SLC8A1: variants seen among roughly 807,000 people sequenced by gnomAD.
The protein encoded by SLC8A1 is sodium/calcium exchanger 1.
In SLC8A1, 18 loss-of-function variants were observed where a neutral mutation model predicts 68.3. That is an observed-to-expected ratio of 0.26 (90% confidence interval 0.18 to 0.39). The LOEUF is 0.39. Among genes scored for constraint, SLC8A1 ranks in the 10% least tolerant of loss-of-function variants. The pLI, the probability that SLC8A1 is intolerant of heterozygous loss-of-function variation, is 1.00. For synonymous variants in SLC8A1, 475 were observed against 415.5 expected (o/e 1.14, Z -1.74); for missense variants, 985 against 1,156.7 (o/e 0.85, Z 2.15).
chr2:40,427,082 A>G (rs1335896991), intron 2 of SLC8A1, among the ~76,000 whole-genome samples: 7 of 152,204 alleles, frequency 4.6e-5, no homozygotes, highest in East Asian at 3.9e-4. Flanking sequence ...CATAAAATAG[A>G]TATTAATCAA....
chr2:40,109,978 T>C (rs2034461204), exon 8 of SLC8A1: 1 of 152,296 alleles, frequency 6.6e-6, no homozygotes, highest in African/African-American at 2.4e-5. Flanking sequence ...AAATAAACAA[T>C]AATTTACATA....
intron 2 of SLC8A1, among the ~76,000 whole-genome samples, chr2:40,350,985 G>A (rs1670905115): frequency 6.6e-6 from 1 of 152,088 alleles, no homozygotes; most frequent in South Asian, 2.1e-4. Context: ...CGGCAGCTCT[G>A]TCTAAACTTC....
exon 8 of SLC8A1, chr2:40,106,717 T>G (rs1348487073): frequency 1.3e-5 from 2 of 152,210 alleles, no homozygotes; most frequent in Non-Finnish European, 2.9e-5. Flanking sequence ...TAAAAATAAC[T>G]TTCCATTATA....
exon 8 of SLC8A1, chr2:40,111,119 A>C (rs1437827707): frequency 6.6e-6 from 1 of 152,168 alleles, no homozygotes; most frequent in African/African-American, 2.4e-5. Context: ...TTTGAAAAGC[A>C]ACAAAAAATT....
In SLC8A1 at chr2:40,270,059, G is replaced by T. The variant is rs957846693; in HGVS notation, c.1809-92204C>A. On this transcript the variant is annotated intron_variant, in intron 2 of 7. Transcript: ENST00000406785. ...CTGTACAAAATTCTTACAATAAATG[G>T]TCAGTAGGTCTTCAAGCTAGCTCTC... Among the ~76,000 whole-genome samples, 3 of 152,108 alleles carry T rather than the reference G, an allele frequency of 2.0e-5. No homozygotes were observed. The East Asian group carries it at 5.8e-4, about 29-fold the overall frequency.
At chr2:40,451,737 TCACACACACACA>T (rs756970142) in intron 1 of SLC8A1, among the ~76,000 whole-genome samples, 155 bp downstream of exon 1, 2,246 of 133,744 alleles carry the variant, frequency 0.017, 43 homozygotes, top group African/African-American at 0.042. Context: ...ACACACCACA[TCACACACACACA>T]CACACACACA....
chr2:40,465,299 T>G (rs1703599872), intron 1 of SLC8A1, among the ~76,000 whole-genome samples: 1 of 151,138 alleles, frequency 6.6e-6, no homozygotes, highest in African/African-American at 2.4e-5. Flanking sequence ...TTCATGTAGG[T>G]GAGGAACCTA....
At chr2:40,469,869 C>T (rs774793029) in intron 1 of SLC8A1, among the ~76,000 whole-genome samples, 4 of 152,082 alleles carry the variant, frequency 2.6e-5, no homozygotes, top group Non-Finnish European at 5.9e-5. Flanking sequence ...CAACTTGATT[C>T]GTTTATTATA....
chr2:40,177,885 A>G, intron 2 of SLC8A1: 1 of 1,417,830 alleles, frequency 7.1e-7, no homozygotes, highest in Non-Finnish European at 9.8e-7. Flanking sequence ...AGGCAAAACA[A>G]ATGGTTGGAG....
intron 2 of SLC8A1, among the ~76,000 whole-genome samples, chr2:40,420,827 A>G (rs533118404): frequency 3.9e-4 from 59 of 152,106 alleles, no homozygotes; most frequent in Non-Finnish European, 6.9e-4. Flanking sequence ...TCAAAGGAAG[A>G]AACAGCCCTG....
At chr2:40,166,920 C>T (rs1008996465) in intron 4 of SLC8A1, among the ~76,000 whole-genome samples, 1 of 152,124 alleles carries the variant, frequency 6.6e-6, no homozygotes, top group African/African-American at 2.4e-5. Flanking sequence ...AACTGTGAAG[C>T]TATTGGGGGA....
intron 2 of SLC8A1, among the ~76,000 whole-genome samples, chr2:40,284,457 A>C (rs893836489): frequency 6.8e-6 from 1 of 147,056 alleles, no homozygotes; most frequent in African/African-American, 2.5e-5. Flanking sequence ...ATGTATATCT[A>C]TAGATATATA....
intron 1 of SLC8A1, among the ~76,000 whole-genome samples, chr2:40,465,726 AT>A (rs1005747441): frequency 6.6e-6 from 1 of 152,160 alleles, no homozygotes. Flanking sequence ...GCGATAGCGT[AT>A]TTTTTTATAC....
At chr2:40,247,637 G>T (rs1261433811) in intron 2 of SLC8A1, among the ~76,000 whole-genome samples, 2 of 152,110 alleles carry the variant, frequency 1.3e-5, no homozygotes, top group East Asian at 3.8e-4. Context: ...TTTAATCACT[G>T]CAGTTTATAA....
chr2:40,341,671 T>G (rs925736055), intron 2 of SLC8A1, among the ~76,000 whole-genome samples: 1 of 152,202 alleles, frequency 6.6e-6, no homozygotes, highest in Non-Finnish European at 1.5e-5. Context: ...TTGCAGTTAA[T>G]GTACCTGCTT....
At chr2:40,194,764 G>T (rs1469250852) in intron 2 of SLC8A1, among the ~76,000 whole-genome samples, 1 of 139,618 alleles carries the variant, frequency 7.2e-6, no homozygotes, top group Non-Finnish European at 1.6e-5. Context: ...ATATCCTAGG[G>T]CCAGGGCCTA....
rs199613162 is a variant in SLC8A1, at chr2:40,144,873, AT to A, written c.2162-5198del. Among the ~76,000 whole-genome samples, 1,409 of 152,336 alleles carry A rather than the reference AT, an allele frequency of 9.2e-3. 14 individuals are homozygous for A. Among genetic ancestry groups the A allele is most frequent in the Non-Finnish European group, 0.013 (886 of 68,028 alleles). ...GATATATTTAGATAGTAAAATTATT[AT>A]AGGGAGGCAAATTAACATCTATCAT... On this transcript the variant is annotated intron_variant, in intron 6 of 7. Transcript: ENST00000406785.
At chr2:40,469,301 C>G (rs575708954) in intron 1 of SLC8A1, among the ~76,000 whole-genome samples, 23 of 152,124 alleles carry the variant, frequency 1.5e-4, no homozygotes, top group African/African-American at 4.6e-4. Context: ...GGTGAATTTC[C>G]CCATACTGCT....
intron 2 of SLC8A1, among the ~76,000 whole-genome samples, chr2:40,186,199 AGG>A (rs1456680822): frequency 1.3e-5 from 2 of 152,228 alleles, no homozygotes; most frequent in African/African-American, 4.8e-5. Flanking sequence ...TATAATCATA[AGG>A]AGGCCTGCTG....
Sources: allele counts gnomAD v4.1 joint callset (sites outside exome capture counted in the v4.1 genomes callset), GRCh38; gene constraint gnomAD v4.1.1; transcripts MANE v1.5; gene names NCBI Gene and HGNC (gene_info 2026-07-23, HGNC 2026-07-21).